The following NAA15 variants were observed in gnomAD, a reference collection of about 807,000 sequenced individuals.
NAA15 encodes the protein N-alpha-acetyltransferase 15, NatA auxiliary subunit.
A neutral mutation model predicts 114.0 loss-of-function variants in NAA15; 34 were observed. The ratio of observed to expected loss-of-function variants is 0.30; its 90% CI spans 0.23 to 0.40. The LOEUF is 0.40. Among genes scored for constraint, NAA15 ranks in the 10% least tolerant of loss-of-function variants. The pLI, the probability that NAA15 is intolerant of heterozygous loss-of-function variation, is 1.00. For missense variants in NAA15, 658 were observed against 1,004.5 expected (o/e 0.66, Z 4.66); for synonymous variants, 340 against 338.0 (o/e 1.01, Z -0.06).
At chr4:139,328,654 A>C (rs1579096779) in intron 1 of NAA15, among the ~76,000 whole-genome samples, 1 of 133,122 alleles carries the variant, frequency 7.5e-6, no homozygotes, top group South Asian at 2.3e-4. Context: ...TGTAACCTCC[A>C]CCCCCCGGGT....
At chr4:139,334,109 A>G (rs939595719) in intron 1 of NAA15, 65 bp from the exon 2 acceptor site, 20 of 934,142 alleles carry the variant, frequency 2.1e-5, no homozygotes, top group Non-Finnish European at 3.2e-5. Flanking sequence ...AGAGAAATTT[A>G]GCGTTGAATT....
chr4:139,357,186 G>A (rs1234872793), intron 10 of NAA15, among the ~76,000 whole-genome samples, 200 bp from the exon 11 acceptor site: 1 of 152,184 alleles, frequency 6.6e-6, no homozygotes, highest in African/African-American at 2.4e-5. Flanking sequence ...AAGGGATTGT[G>A]CTAGGGGTTA....
At chr4:139,343,748 C>T (rs1212164190) in intron 5 of NAA15, among the ~76,000 whole-genome samples, 1 of 152,218 alleles carries the variant, frequency 6.6e-6, no homozygotes, top group African/African-American at 2.4e-5. Context: ...ATTTTTCTCT[C>T]TTTGTGTTTA....
At chr4:139,302,604 AGTTGAAAC>A (rs1454161808) in intron 1 of NAA15, 1 of 152,186 alleles carries the variant, frequency 6.6e-6, no homozygotes, top group Non-Finnish European at 1.5e-5. Context: ...TTGAGTCTTT[AGTTGAAAC>A]GTTGCAGACC....
At chr4:139,367,170 A>G (rs1193964813) in intron 14 of NAA15, among the ~76,000 whole-genome samples, 1 of 152,224 alleles carries the variant, frequency 6.6e-6, no homozygotes, top group Non-Finnish European at 1.5e-5. Flanking sequence ...TGAGACAGGC[A>G]TAGGATGACC....
chr4:139,334,465 G>GAATA (rs1747131065), intron 2 of NAA15, among the ~76,000 whole-genome samples: 1 of 150,796 alleles, frequency 6.6e-6, no homozygotes, highest in Non-Finnish European at 1.5e-5. Flanking sequence ...TTTATTCTTA[G>GAATA]TTTGAATATT....
intron 1 of NAA15, among the ~76,000 whole-genome samples, chr4:139,327,148 G>A (rs888228285): frequency 2.6e-5 from 4 of 152,050 alleles, no homozygotes; most frequent in Admixed American, 1.3e-4. Context: ...TGTTATGCAG[G>A]CTGGTCTTGA....
At chr4:139,332,062 T>C (rs767185063) in intron 1 of NAA15, among the ~76,000 whole-genome samples, 1 of 152,176 alleles carries the variant, frequency 6.6e-6, no homozygotes, top group African/African-American at 2.4e-5. Context: ...AGCTTTTGAC[T>C]CTGCTCCACT....
chr4:139,348,858 C>T (rs1164897508), intron 6 of NAA15, among the ~76,000 whole-genome samples: 1 of 152,112 alleles, frequency 6.6e-6, no homozygotes, highest in African/African-American at 2.4e-5. Flanking sequence ...TCATGCAGTC[C>T]AGGGAAGGCA....
At chr4:139,349,353 A>C in intron 6 of NAA15, 109 bp from the exon 7 acceptor site, 1 of 968,228 alleles carries the variant, frequency 1.0e-6, no homozygotes, top group Non-Finnish European at 1.5e-6. Flanking sequence ...TCCACTTAGC[A>C]GCACTGATTT....
rs980587467 is a variant in NAA15, at chr4:139,389,039, A to T, written c.*955A>T. 6.6e-6 allele frequency: 1 copy of T among 152,580 alleles called. No homozygotes were observed. Among genetic ancestry groups the T allele is most frequent in the East Asian group, 1.9e-4 (1 of 5,198 alleles). The allele number at this position is 152,580 out of a possible 1,614,324, so 9.5% of individuals were successfully genotyped here. On this transcript the variant is annotated 3_prime_UTR_variant, in exon 20 of 20. Transcript: ENST00000296543. Reference sequence around the variant, plus strand: ...AACCTCAGCAGGCCTTGTTCACGATATGCAGAAAAAAAAGTGCTGCAGTTT... The same window carrying T: ...AACCTCAGCAGGCCTTGTTCACGATTTGCAGAAAAAAAAGTGCTGCAGTTT...
At chr4:139,311,826 C>T (rs946345845) in intron 1 of NAA15, among the ~76,000 whole-genome samples, 1 of 151,716 alleles carries the variant, frequency 6.6e-6, no homozygotes, top group African/African-American at 2.4e-5. Flanking sequence ...GAGCTGGGCG[C>T]AGGGGTGCAT....
chr4:139,377,225 A>G (rs557257366), intron 16 of NAA15, among the ~76,000 whole-genome samples: 6 of 152,274 alleles, frequency 3.9e-5, no homozygotes, highest in African/African-American at 1.4e-4. Flanking sequence ...GTACTTCTCT[A>G]TATGAGTATC....
chr4:139,307,568 G>A (rs1746065903), intron 1 of NAA15, among the ~76,000 whole-genome samples: 1 of 152,172 alleles, frequency 6.6e-6, no homozygotes, highest in Non-Finnish European at 1.5e-5. Flanking sequence ...TGCCTGGCCT[G>A]GCCACATGTA....
intron 14 of NAA15, among the ~76,000 whole-genome samples, chr4:139,363,990 C>T (rs2110964317): frequency 6.6e-6 from 1 of 152,356 alleles, no homozygotes; most frequent in South Asian, 2.1e-4. Context: ...AGGCAGTCCT[C>T]TCAACTCAGC....
In NAA15 at chr4:139,389,709, A is replaced by G. The variant is rs1749000874; in HGVS notation, c.*1625A>G. The G allele has an allele frequency of 6.6e-6, 1 of 152,656 alleles. No homozygotes were observed. Among genetic ancestry groups the G allele is most frequent in the African/African-American group, 2.4e-5 (1 of 41,470 alleles). The allele number at this position is 152,656 out of a possible 1,614,324, so 9.5% of individuals were successfully genotyped here. A position where few individuals can be genotyped will look rare whatever the true frequency, so the allele number is the denominator to read the frequency against. On this transcript the variant is annotated 3_prime_UTR_variant, in exon 20 of 20. Coordinates refer to ENST00000296543, the MANE Select transcript of NAA15 (RefSeq NM_057175.5). Reference sequence around the variant, plus strand: ...TAAGTAAAACAAATCAATTGTATATATAATTGACCTTTTTGTGGAACATGT... The same window carrying G: ...TAAGTAAAACAAATCAATTGTATATGTAATTGACCTTTTTGTGGAACATGT...
chr4:139,342,554 A>T (rs1747444474), intron 4 of NAA15, among the ~76,000 whole-genome samples: 1 of 141,348 alleles, frequency 7.1e-6, no homozygotes, highest in Admixed American at 7.4e-5. Flanking sequence ...GGTTCAAGTG[A>T]TTCTCCCGCC....
chr4:139,374,051 A>G (rs995388295), intron 15 of NAA15, among the ~76,000 whole-genome samples: 1 of 152,052 alleles, frequency 6.6e-6, no homozygotes, highest in Non-Finnish European at 1.5e-5. Flanking sequence ...TCCAAAGGCT[A>G]TGATTCCTTA....
chr4:139,374,153 A>G (rs1160343489), intron 15 of NAA15, among the ~76,000 whole-genome samples: 2 of 152,160 alleles, frequency 1.3e-5, no homozygotes, highest in African/African-American at 4.8e-5. Context: ...ACTCCTTTAC[A>G]ACATATCTTA....
Sources: allele counts gnomAD v4.1 joint callset (sites outside exome capture counted in the v4.1 genomes callset), GRCh38; gene constraint gnomAD v4.1.1; transcripts MANE v1.5; gene names NCBI Gene and HGNC (gene_info 2026-07-23, HGNC 2026-07-21).